Variants in CHCHD6 observed in about 807,000 individuals in gnomAD.
The protein encoded by CHCHD6 is MICOS complex subunit MIC25.
CHCHD6 carries 28 observed loss-of-function variants against 32.3 expected under a neutral mutation model. The observed-to-expected ratio is 0.87, with a 90% CI of 0.64 to 1.19. The LOEUF is 1.19. Among genes scored for constraint, CHCHD6 ranks in the 50% most tolerant of loss-of-function variants. The pLI is 0.00. For synonymous variants in CHCHD6, 122 were observed against 117.5 expected (o/e 1.04, Z -0.25); for missense variants, 333 against 307.0 (o/e 1.08, Z -0.63).
At chr3:126,932,668 G>T (rs551442735) in intron 6 of CHCHD6, among the ~76,000 whole-genome samples, 2 of 152,042 alleles carry the variant, frequency 1.3e-5, no homozygotes, top group South Asian at 4.1e-4. Context: ...TGTGGCTTAA[G>T]GGTTGGCACT....
rs758261506 is a variant in CHCHD6 at position 126,799,871 on chromosome 3, T to C, written c.412-52776T>C. Among the ~76,000 whole-genome samples the C allele has an allele frequency of 1.1e-4, 16 of 152,350 alleles. No homozygotes were observed. In the Middle Eastern group the frequency reaches 0.01, roughly 97 times the overall value. On this transcript the variant is annotated intron_variant, in intron 4 of 7. Coordinates refer to ENST00000290913, the MANE Select transcript of CHCHD6 (RefSeq NM_032343.3). ...CTAGAGTTTTGGGTCTTACTTCATA[T>C]GTTGTTTTGTAAACAGTCTTTTTCA...
chr3:126,920,211 C>CTT (rs11414526), intron 6 of CHCHD6, among the ~76,000 whole-genome samples: 79,106 of 137,808 alleles, frequency 0.57, 23,322 homozygotes, highest in Non-Finnish European at 0.67. Flanking sequence ...ATTTGCTTTG[C>CTT]TTTTTTTTTT....
chr3:126,889,183 T>C (rs1357231965), intron 5 of CHCHD6, among the ~76,000 whole-genome samples: 1 of 152,022 alleles, frequency 6.6e-6, no homozygotes, highest in Admixed American at 6.5e-5. Flanking sequence ...GAAGCAGCTC[T>C]GGTGGGCATC....
At chr3:126,842,195 G>T (rs985354975) in intron 4 of CHCHD6, among the ~76,000 whole-genome samples, 1 of 152,168 alleles carries the variant, frequency 6.6e-6, no homozygotes, top group Non-Finnish European at 1.5e-5. Context: ...TCAAGGTCAC[G>T]TCACGGGACA....
intron 1 of CHCHD6, among the ~76,000 whole-genome samples, chr3:126,712,324 T>C (rs1481130888): frequency 6.6e-6 from 1 of 152,228 alleles, no homozygotes; most frequent in Non-Finnish European, 1.5e-5. Flanking sequence ...ATCTAAGTAG[T>C]ACAAGAGTTA....
intron 4 of CHCHD6, among the ~76,000 whole-genome samples, chr3:126,847,542 A>G (rs537476353): frequency 2.0e-5 from 3 of 152,272 alleles, no homozygotes; most frequent in East Asian, 3.9e-4. Flanking sequence ...TCACTTTGCC[A>G]TATTCTATTT....
chr3:126,815,021 C>T (rs1016676035), intron 4 of CHCHD6, among the ~76,000 whole-genome samples: 7 of 152,134 alleles, frequency 4.6e-5, no homozygotes, highest in Non-Finnish European at 7.4e-5. Context: ...GGGGAGAAAT[C>T]CCTATATATT....
In CHCHD6 at chr3:126,930,165, G is replaced by C. The variant is rs565436318; in HGVS notation, c.566+15415G>C. On this transcript the variant is annotated intron_variant, in intron 6 of 7. Coordinates refer to ENST00000290913, the MANE Select transcript of CHCHD6 (RefSeq NM_032343.3). ...GTTAGAAGGGAAGAGGAGGGAATGT[G>C]GTTTGACATGTTTCCAACAGACTCT... Among the ~76,000 whole-genome samples the C allele has an allele frequency of 2.0e-5, 3 of 152,280 alleles. No individual in the cohort carries two copies. The South Asian group carries it at 6.2e-4, about 32-fold the overall frequency.
chr3:126,860,836 T>C (rs1235937615), intron 5 of CHCHD6, among the ~76,000 whole-genome samples: 1 of 152,214 alleles, frequency 6.6e-6, no homozygotes, highest in East Asian at 1.9e-4. Context: ...TTGATAAATG[T>C]GATCAATGAG....
At chr3:126,931,163 A>G (rs2078399503) in intron 6 of CHCHD6, among the ~76,000 whole-genome samples, 1 of 152,142 alleles carries the variant, frequency 6.6e-6, no homozygotes, top group Admixed American at 6.5e-5. Flanking sequence ...CCAGCACCCA[A>G]AGCCCTGACT....
chr3:126,856,486 T>C (rs948112712), intron 5 of CHCHD6, among the ~76,000 whole-genome samples: 9 of 152,192 alleles, frequency 5.9e-5, no homozygotes, highest in Admixed American at 5.9e-4. Flanking sequence ...CTGGCTTGAG[T>C]CATGGCCGCT....
intron 1 of CHCHD6, among the ~76,000 whole-genome samples, chr3:126,717,042 C>T (rs1935052439): frequency 6.6e-6 from 1 of 152,204 alleles, no homozygotes. Flanking sequence ...AGCCTGCTGC[C>T]TTCAAAGCAG....
At chr3:126,949,677 G>A (rs894563004) in intron 6 of CHCHD6, 10 of 223,648 alleles carry the variant, frequency 4.5e-5, no homozygotes, top group African/African-American at 2.1e-4. Flanking sequence ...CGCCGTGGAC[G>A]GAAGGGAAGG....
At chr3:126,798,542 A>G (rs1039540857) in intron 4 of CHCHD6, among the ~76,000 whole-genome samples, 1 of 152,112 alleles carries the variant, frequency 6.6e-6, no homozygotes, top group African/African-American at 2.4e-5. Context: ...AGGCCTAGTC[A>G]TGATGCGAGC....
intron 5 of CHCHD6, among the ~76,000 whole-genome samples, chr3:126,900,984 G>A (rs2077918071): frequency 6.6e-6 from 1 of 152,008 alleles, no homozygotes; most frequent in Non-Finnish European, 1.5e-5. Flanking sequence ...CATTCATGGG[G>A]GATCCGCCCT....
chr3:126,812,419 G>A (rs1939696459), intron 4 of CHCHD6, among the ~76,000 whole-genome samples: 1 of 147,494 alleles, frequency 6.8e-6, no homozygotes, highest in African/African-American at 2.5e-5. Flanking sequence ...TCTGGTTTAT[G>A]CCTTTTGAGT....
intron 6 of CHCHD6, among the ~76,000 whole-genome samples, chr3:126,954,222 G>T (rs140113589): frequency 1.4e-3 from 211 of 152,274 alleles, no homozygotes; most frequent in African/African-American, 4.9e-3. Flanking sequence ...GATAGATTTC[G>T]CCATGGCCCA....
chr3:126,867,017 G>T (rs193281992), intron 5 of CHCHD6, among the ~76,000 whole-genome samples: 4 of 152,156 alleles, frequency 2.6e-5, no homozygotes, highest in African/African-American at 9.7e-5. Context: ...GAGTTCTTAG[G>T]CATTAAGCCT....
intron 4 of CHCHD6, among the ~76,000 whole-genome samples, chr3:126,734,575 C>G (rs1435474428): frequency 6.6e-6 from 1 of 152,228 alleles, no homozygotes; most frequent in Non-Finnish European, 1.5e-5. Flanking sequence ...CTGGGAAATA[C>G]AAACAATGTA....
Sources: allele counts gnomAD v4.1 joint callset (sites outside exome capture counted in the v4.1 genomes callset), GRCh38; gene constraint gnomAD v4.1.1; transcripts MANE v1.5; gene names NCBI Gene and HGNC (gene_info 2026-07-23, HGNC 2026-07-21).